The following COL4A2 variants were observed in gnomAD, a reference collection of about 807,000 sequenced individuals.
COL4A2 encodes collagen alpha-2(IV) chain.
In COL4A2, 99 loss-of-function variants were observed where a neutral mutation model predicts 200.2. The ratio of observed to expected loss-of-function variants is 0.49; its 90% CI spans 0.42 to 0.58. COL4A2 has a LOEUF of 0.58. Ranked by LOEUF, COL4A2 falls within the 20% of genes least tolerant of loss-of-function variation. The probability of loss-of-function intolerance (pLI) is 0.00; values close to 1 mark genes in which losing one functional copy is unlikely to be tolerated. For synonymous variants in COL4A2, 897 were observed against 900.6 expected (o/e 1.00, Z 0.07); for missense variants, 1,950 against 2,314.1 (o/e 0.84, Z 3.23).
intron 21 of COL4A2, chr13:110,457,754 T>G (rs1566544915): frequency 3.9e-6 from 2 of 506,834 alleles, no homozygotes; most frequent in Non-Finnish European, 8.0e-6. Context: ...TTTCTTAGGC[T>G]GCACTCAGGT....
In COL4A2 at chr13:110,462,338, C is replaced by T; in HGVS notation, c.1730C>T (p.Pro577Leu). Residue 577 changes from proline (P) to leucine (L), a missense_variant, in exon 24 of 48, where the codon CCA (proline) becomes CTA (leucine). Coordinates refer to ENST00000360467, the MANE Select transcript of COL4A2 (RefSeq NM_001846.4). ...GGGATGAAAGGTGACGATGGCAGCC[C>T]AGGCCGCGATGGGCTCGATGGATTC... ...VPGMKGDDGS[P>L]GRDGLDGFPG... is the part of the protein sequence containing the mutation. 6.2e-7 allele frequency: 1 copy of T among 1,614,096 alleles called. No individual in the cohort carries two copies. The highest frequency in any genetic ancestry group is 8.5e-7 in the Non-Finnish European group (1 of 1,180,042).
At chr13:110,405,017 A>G (rs561038439) in intron 4 of COL4A2, among the ~76,000 whole-genome samples, 1 of 152,328 alleles carries the variant, frequency 6.6e-6, no homozygotes, top group East Asian at 1.9e-4. Flanking sequence ...CAGAAAGTTG[A>G]GAAGTGAGGA....
At chr13:110,449,817 GGAGACCCAAAGCACCTGCA>G in intron 19 of COL4A2, 28 bp downstream of exon 19, 1 of 1,542,278 alleles carries the variant, frequency 6.5e-7, no homozygotes, top group Non-Finnish European at 8.7e-7. Flanking sequence ...TATCAACACC[GGAGACCCAAAGCACCTGCA>G]CTCAGGTCCT....
chr13:110,399,451 A>G (rs1178545056), intron 4 of COL4A2, among the ~76,000 whole-genome samples: 1 of 152,158 alleles, frequency 6.6e-6, no homozygotes. Context: ...CTTTACCCAT[A>G]ATGGGCTTTA....
At position 110,465,412 on chromosome 13, in the gene COL4A2, G is replaced by T; in HGVS notation, c.1784G>T (p.Gly595Val). ...AACTGAATTTTCACACAGGGTGATG[G>T]CATCAAGGGCCCTCCAGGGGACCCA... ...FPGLPGPPGD[G>V]IKGPPGDPGY... Residue 595 changes from glycine to valine, a missense_variant, in exon 25 of 48, where the codon GGC becomes GTC. This residue lies in a region of COL4A2 where 1,385 missense variants were observed against 1,720.5 expected (regional missense o/e 0.80). Transcript: ENST00000360467. The T allele has an allele frequency of 1.2e-6, 2 of 1,605,716 alleles. No individual in the cohort carries two copies. Among genetic ancestry groups the T allele is most frequent in the Non-Finnish European group, 8.5e-7 (1 of 1,177,804 alleles).
At chr13:110,412,911 G>A (rs1469582379) in intron 4 of COL4A2, among the ~76,000 whole-genome samples, 1 of 152,190 alleles carries the variant, frequency 6.6e-6, no homozygotes, top group Non-Finnish European at 1.5e-5. Context: ...CCACTTGAGA[G>A]GCCTGGGAAA....
chr13:110,414,800 C>T (rs1388131784), intron 4 of COL4A2, among the ~76,000 whole-genome samples: 3 of 152,154 alleles, frequency 2.0e-5, no homozygotes, highest in Non-Finnish European at 4.4e-5. Context: ...GCGTATTAAG[C>T]AAGACAAAGG....
chr13:110,428,221 G>A (rs1473968481), intron 6 of COL4A2, among the ~76,000 whole-genome samples: 2 of 152,202 alleles, frequency 1.3e-5, no homozygotes, highest in Non-Finnish European at 2.9e-5. Context: ...CCCCGACAGT[G>A]TACTTCTTAC....
chr13:110,372,387 T>C (rs1437677598), intron 4 of COL4A2, among the ~76,000 whole-genome samples: 1 of 152,230 alleles, frequency 6.6e-6, no homozygotes, highest in East Asian at 1.9e-4. Flanking sequence ...TTTCAGAACC[T>C]CGTAAGTCTC....
At chr13:110,312,658 A>G (rs1009423281) in intron 3 of COL4A2, among the ~76,000 whole-genome samples, 8 of 152,218 alleles carry the variant, frequency 5.3e-5, no homozygotes, top group African/African-American at 1.7e-4. Context: ...AAGCTCTGAA[A>G]CTGGCCTCAT....
At chr13:110,475,771 G>A (rs905803208) in intron 29 of COL4A2, among the ~76,000 whole-genome samples, 10 of 152,210 alleles carry the variant, frequency 6.6e-5, no homozygotes, top group African/African-American at 1.4e-4. Context: ...TGCACCCTGC[G>A]CTTCTGAGCA....
chr13:110,449,607 G>A lies in COL4A2; in HGVS notation c.1079-72G>A, dbSNP rs1352630218. ...AGCATTTGGTAAATATGTAGTCAATGAAAAAGTGAACGCCAGCTGCGATCC... is the reference window on the plus strand; with the variant it reads ...AGCATTTGGTAAATATGTAGTCAATAAAAAAGTGAACGCCAGCTGCGATCC... On this transcript the variant is annotated intron_variant, in intron 18 of 47. Transcript: ENST00000360467. 3 of 1,430,576 alleles carry A rather than the reference G, an allele frequency of 2.1e-6. No individual in the cohort carries two copies. In the East Asian group the frequency reaches 7.6e-5, roughly 36 times the overall value. 88.6% of individuals were successfully genotyped at this position (1,430,576 alleles called of 1,614,324 possible).
chr13:110,359,037 T>C (rs948595098), intron 4 of COL4A2, among the ~76,000 whole-genome samples: 7 of 152,196 alleles, frequency 4.6e-5, no homozygotes, highest in Non-Finnish European at 1.0e-4. Flanking sequence ...AAAAAAGTAG[T>C]TGCATTTATA....
At chr13:110,397,761 GAGAA>G (rs965791810) in intron 4 of COL4A2, among the ~76,000 whole-genome samples, 7 of 152,230 alleles carry the variant, frequency 4.6e-5, no homozygotes, top group African/African-American at 1.4e-4. Flanking sequence ...ATGAGGGCAG[GAGAA>G]AGAATCAGCT....
rs190952955 is a variant in COL4A2, at chr13:110,476,369, G to T, written c.2426-1634G>T. 3.5e-3 allele frequency among the ~76,000 whole-genome samples: 536 copies of T among 152,356 alleles called. 10 individuals are homozygous for T. The highest frequency in any genetic ancestry group is 4.9e-3 in the Non-Finnish European group (330 of 68,032). On this transcript the variant is annotated intron_variant, in intron 29 of 47. Coordinates refer to ENST00000360467, the MANE Select transcript of COL4A2 (RefSeq NM_001846.4). ...GTCCTCATTTCTCACAGTACTACAG[G>T]AGGAGGTGAGAACCGATGCATCCGT...
At chr13:110,477,789 G>A (rs1882754084) in intron 29 of COL4A2, 1 of 410,414 alleles carries the variant, frequency 2.4e-6, no homozygotes, top group South Asian at 1.3e-4. Context: ...ATAGACAAGG[G>A]CAGGAAGGAA....
rs561743807 is a variant in COL4A2, at chr13:110,475,107, C to A, written c.2425+1957C>A. ...ACGTGCCTATGCATGCTCACACATA[C>A]ACATCCAACCCTGAACCAAGCCAGC... is the stretch of plus-strand genomic sequence containing the variant. On this transcript the variant is annotated intron_variant, in intron 29 of 47. Transcript: ENST00000360467. Among the ~76,000 whole-genome samples, 230 of 152,394 alleles carry A rather than the reference C, an allele frequency of 1.5e-3. 1 individual carries two copies. The highest frequency in any genetic ancestry group is 5.3e-3 in the African/African-American group (222 of 41,588).
chr13:110,502,220 G>A (rs567066186), intron 41 of COL4A2, among the ~76,000 whole-genome samples: 2 of 152,350 alleles, frequency 1.3e-5, no homozygotes, highest in South Asian at 2.1e-4. Flanking sequence ...CACAAGCACC[G>A]AGTGCTGAAA....
chr13:110,334,165 C>G (rs908479294), intron 3 of COL4A2, among the ~76,000 whole-genome samples: 1 of 152,246 alleles, frequency 6.6e-6, no homozygotes, highest in Non-Finnish European at 1.5e-5. Flanking sequence ...ATATGACGCA[C>G]AGTCAGTGCC....
Sources: gnomAD v4.1 joint callset for allele counts (sites outside exome capture counted in the v4.1 genomes callset) on GRCh38, gnomAD v4.1.1 for gene constraint, gnomAD v4.1.1 regional missense constraint, MANE v1.5 for transcripts, NCBI Gene and HGNC (gene_info 2026-07-23, HGNC 2026-07-21) for gene names.